PRKRIP1: variants seen among roughly 807,000 people sequenced by gnomAD.
The protein encoded by PRKRIP1 is PRKR interacting protein 1.
In PRKRIP1, 29 loss-of-function variants were observed where a neutral mutation model predicts 29.3. The observed-to-expected ratio is 0.99, with a 90% CI of 0.74 to 1.35. The LOEUF (loss-of-function observed/expected upper bound fraction) is 1.35, where lower values mean the gene tolerates loss of function less well. Ranked by LOEUF, PRKRIP1 falls within the 40% of genes most tolerant of loss-of-function variation. PRKRIP1 has a pLI of 0.00. For missense variants in PRKRIP1, 247 were observed against 236.8 expected, an observed-to-expected ratio of 1.04 and a Z score of -0.28; for synonymous variants, 90 against 85.1, an observed-to-expected ratio of 1.06 and a Z score of -0.32.
At chr7:102,420,842 A>G (rs1236296906) in intron 5 of PRKRIP1, among the ~76,000 whole-genome samples, 2 of 152,218 alleles carry the variant, frequency 1.3e-5, no homozygotes, top group Non-Finnish European at 2.9e-5. Flanking sequence ...ACGCAGATAC[A>G]CAACACGGAT....
chr7:102,422,158 T>TATC (rs1796710755), intron 5 of PRKRIP1, among the ~76,000 whole-genome samples: 1 of 138,072 alleles, frequency 7.2e-6, no homozygotes, highest in African/African-American at 2.8e-5. Context: ...TTATTATTAT[T>TATC]ATTATTATTA....
chr7:102,418,934 G>A (rs1467578656), intron 5 of PRKRIP1, among the ~76,000 whole-genome samples: 2 of 151,576 alleles, frequency 1.3e-5, no homozygotes, highest in East Asian at 2.0e-4. Flanking sequence ...GGGCTCAAGC[G>A]ATCCTCCGGC....
chr7:102,400,671 T>C (rs1262676933), intron 3 of PRKRIP1, among the ~76,000 whole-genome samples: 1 of 152,148 alleles, frequency 6.6e-6, no homozygotes, highest in African/African-American at 2.4e-5. Context: ...AGTTTTGCTC[T>C]TGTTGCCCAG....
In PRKRIP1 at chr7:102,411,810, T is replaced by G. The variant is rs1438372156; in HGVS notation, c.457+4312T>G. On this transcript the variant is annotated intron_variant, in intron 5 of 5. Coordinates refer to ENST00000397912, the MANE Select transcript of PRKRIP1 (RefSeq NM_024653.4). ...CCTCACCAACACTTATTTTCTGTTT[T>G]TTTTTTTGTTTGTTTGTTTTGTTTT... Among the ~76,000 whole-genome samples the G allele has an allele frequency of 7.7e-5, 11 of 143,284 alleles. No homozygotes were observed. In the Admixed American group the frequency reaches 8.1e-4, roughly 11 times the overall value. 94.0% of individuals were successfully genotyped at this position (143,284 alleles called of 152,430 possible).
rs1179536388 is a variant in PRKRIP1 at position 102,401,144 on chromosome 7, C to T, written c.306+1496C>T. The stretch of plus-strand genomic sequence containing the variant: ...GGAAGGGAGGAATCATAATTTTCCC[C>T]ATTTTATAGATGAGGAAAATGAGGC... On this transcript the variant is annotated intron_variant, in intron 3 of 5. Transcript: ENST00000397912. Among the ~76,000 whole-genome samples the T allele has an allele frequency of 6.6e-5, 10 of 152,002 alleles. No homozygotes were observed. In the East Asian group the frequency reaches 1.9e-3, roughly 29 times the overall value.
At chr7:102,419,247 C>T (rs1025628290) in intron 5 of PRKRIP1, among the ~76,000 whole-genome samples, 1 of 151,980 alleles carries the variant, frequency 6.6e-6, no homozygotes. Flanking sequence ...AACCCCATCT[C>T]TACTAAAAAC....
rs782102583 is a variant in PRKRIP1, at chr7:102,397,721, T to C, written c.205+23T>C. On this transcript the variant is annotated intron_variant, in intron 2 of 5. Coordinates refer to ENST00000397912, the MANE Select transcript of PRKRIP1 (RefSeq NM_024653.4). ...TGGGTAATGGCTGTGTGTGTGTGTG[T>C]GTGTGTGTGTGTGTGTAAATATAAT... 5 of 1,588,598 alleles carry C rather than the reference T, an allele frequency of 3.1e-6. No individual in the cohort carries two copies. In the Admixed American group the frequency reaches 8.5e-5, roughly 27 times the overall value.
chr7:102,415,273 A>G (rs1049603614), intron 5 of PRKRIP1, among the ~76,000 whole-genome samples: 5 of 152,168 alleles, frequency 3.3e-5, no homozygotes, highest in African/African-American at 4.8e-5. Flanking sequence ...GTCTTGCTCC[A>G]TCACTCATGT....
At chr7:102,413,180 C>G (rs1187626393) in intron 5 of PRKRIP1, among the ~76,000 whole-genome samples, 2 of 152,074 alleles carry the variant, frequency 1.3e-5, no homozygotes, top group African/African-American at 4.8e-5. Flanking sequence ...CCAGGAGCAC[C>G]CACCTTCCCC....
chr7:102,404,075 A>G (rs1419377259), intron 3 of PRKRIP1, among the ~76,000 whole-genome samples: 1 of 152,212 alleles, frequency 6.6e-6, no homozygotes, highest in East Asian at 1.9e-4. Context: ...CTGAGACAGG[A>G]CGATCTATCA....
rs562960261 is a variant in PRKRIP1, at chr7:102,408,123, C to T, written c.457+625C>T. Reference sequence around the variant, plus strand: ...CCCCCGCACGTTCCCTGGCCTTTACCCTGAGAGTATGAGGTGGCTCCCATG... The same window carrying T: ...CCCCCGCACGTTCCCTGGCCTTTACTCTGAGAGTATGAGGTGGCTCCCATG... On this transcript the variant is annotated intron_variant, in intron 5 of 5. Transcript: ENST00000397912. Among the ~76,000 whole-genome samples the T allele has an allele frequency of 2.0e-5, 3 of 152,192 alleles. No homozygotes were observed. The South Asian group carries it at 6.2e-4, about 32-fold the overall frequency.
chr7:102,396,674 G>T (rs1313128075), intron 1 of PRKRIP1, 137 bp downstream of exon 1: 2 of 912,192 alleles, frequency 2.2e-6, no homozygotes, highest in East Asian at 6.3e-5. Context: ...AGCAGTCTTT[G>T]GGGAGGAGGA....
At chr7:102,419,725 T>C (rs1796640624) in intron 5 of PRKRIP1, among the ~76,000 whole-genome samples, 1 of 152,196 alleles carries the variant, frequency 6.6e-6, no homozygotes, top group Non-Finnish European at 1.5e-5. Flanking sequence ...GCCAAGTAGT[T>C]TTCCACCGTC....
At chr7:102,411,385 T>G (rs78856225) in intron 5 of PRKRIP1, among the ~76,000 whole-genome samples, 9 of 151,720 alleles carry the variant, frequency 5.9e-5, no homozygotes, top group South Asian at 4.2e-4. Flanking sequence ...GTTTTTTTTT[T>G]GTTTGTTTGT....
chr7:102,405,150 C>T (rs1253640750), intron 4 of PRKRIP1, among the ~76,000 whole-genome samples: 1 of 152,172 alleles, frequency 6.6e-6, no homozygotes, highest in African/African-American at 2.4e-5. Flanking sequence ...TAGTCTTGAA[C>T]TCCTCACCTC....
rs781988984 is a variant in PRKRIP1, at chr7:102,396,453, C to T, written c.42C>T (p.Pro14=). Residue 14 remains proline, a synonymous_variant, in exon 1 of 6, where the codon CCC becomes CCT. Transcript: ENST00000397912. ...PAASSVRPPR[P]KKEPQTLVIP... ...CCTCCTCGGTGCGACCACCGAGGCC[C>T]AAGAAAGAGCCGCAGACGCTCGTCA... 5 of 1,607,174 alleles carry T rather than the reference C, an allele frequency of 3.1e-6. No homozygotes were observed. The highest frequency in any genetic ancestry group is 3.4e-6 in the Non-Finnish European group (4 of 1,178,290).
At chr7:102,399,437 C>A in intron 2 of PRKRIP1, 111 bp from the exon 3 acceptor site, 1 of 790,606 alleles carries the variant, frequency 1.3e-6, no homozygotes, top group Non-Finnish European at 2.2e-6. Context: ...GAAAGGAAGG[C>A]ATGGTCCCTT....
chr7:102,414,769 C>T (rs1322677870), intron 5 of PRKRIP1, among the ~76,000 whole-genome samples: 3 of 152,078 alleles, frequency 2.0e-5, no homozygotes, highest in Admixed American at 1.3e-4. Flanking sequence ...CCTGTAGTCC[C>T]AGCTACAAGG....
intron 4 of PRKRIP1, among the ~76,000 whole-genome samples, chr7:102,406,317 G>C (rs1467700213): frequency 6.6e-6 from 1 of 152,166 alleles, no homozygotes; most frequent in Non-Finnish European, 1.5e-5. Context: ...CTTTGGAGCG[G>C]CTTCTTGGTC....
Sources: gnomAD v4.1 joint callset for allele counts (sites outside exome capture counted in the v4.1 genomes callset) on GRCh38, gnomAD v4.1.1 for gene constraint, MANE v1.5 for transcripts, NCBI Gene and HGNC (gene_info 2026-07-23, HGNC 2026-07-21) for gene names.